Variants in SPG11 observed in about 807,000 individuals in gnomAD.
SPG11 encodes SPG11 vesicle trafficking associated, spatacsin, also known as spatacsin.
In SPG11, 222 loss-of-function variants were observed where a neutral mutation model predicts 274.0. The observed-to-expected ratio is 0.81, with a 90% CI of 0.73 to 0.91. The LOEUF (loss-of-function observed/expected upper bound fraction) is 0.91, where lower values mean the gene tolerates loss of function less well. Ranked by LOEUF, SPG11 falls within the 40% of genes least tolerant of loss-of-function variation. The pLI, the probability that SPG11 is intolerant of heterozygous loss-of-function variation, is 0.00. For synonymous variants in SPG11, 1,144 were observed against 1,039.7 expected, an observed-to-expected ratio of 1.10 and a Z score of -1.93; for missense variants, 3,114 against 2,872.7, an observed-to-expected ratio of 1.08 and a Z score of -1.92.
intron 24 of SPG11, 60 bp from the exon 25 acceptor site, chr15:44,596,415 A>G (rs1293275256): frequency 1.3e-6 from 2 of 1,590,664 alleles, no homozygotes; most frequent in Non-Finnish European, 1.7e-6. Flanking sequence ...CTGGAGCTGA[A>G]AATGTTAGAG....
chr15:44,652,877 A>T (rs1471334751), intron 4 of SPG11, among the ~76,000 whole-genome samples: 1 of 152,088 alleles, frequency 6.6e-6, no homozygotes, highest in Non-Finnish European at 1.5e-5. Context: ...AGCTGGTCTC[A>T]AACTCCTGAC....
chr15:44,660,048 G>A lies in SPG11; in HGVS notation c.442+384C>T, dbSNP rs139717704. Among the ~76,000 whole-genome samples the A allele has an allele frequency of 8.3e-3, 1,266 of 152,140 alleles. 20 individuals carry two copies. The highest frequency in any genetic ancestry group is 0.028 in the African/African-American group (1,174 of 41,512). On this transcript the variant is annotated intron_variant, in intron 2 of 39. Coordinates refer to ENST00000261866, the MANE Select transcript of SPG11 (RefSeq NM_025137.4). The stretch of plus-strand genomic sequence containing the variant: ...TGCACTCCAGCCTGGGTGACAGAGC[G>A]AGACTGTCTCAAAAAAATAAAATAA...
chr15:44,646,370 A>T (rs1465644202), intron 7 of SPG11, among the ~76,000 whole-genome samples: 1 of 152,194 alleles, frequency 6.6e-6, no homozygotes, highest in Non-Finnish European at 1.5e-5. Context: ...GGAAACTTAC[A>T]ATCATGGCAG....
chr15:44,579,526 CAAA>C (rs954664107), intron 30 of SPG11, among the ~76,000 whole-genome samples: 1 of 51,866 alleles, frequency 1.9e-5, no homozygotes, highest in Non-Finnish European at 3.8e-5. Context: ...GACTCCGTCT[CAAA>C]AAAAAAAAAA....
chr15:44,606,979 T>G (rs764821072), intron 19 of SPG11, among the ~76,000 whole-genome samples: 6 of 152,160 alleles, frequency 3.9e-5, no homozygotes, highest in Non-Finnish European at 8.8e-5. Flanking sequence ...AAACTATGTT[T>G]TTACATAATC....
intron 7 of SPG11, among the ~76,000 whole-genome samples, chr15:44,645,101 C>G (rs1323884664): frequency 6.6e-6 from 1 of 152,166 alleles, no homozygotes; most frequent in Non-Finnish European, 1.5e-5. Flanking sequence ...CAAAAAAGAT[C>G]CTGAATAGCC....
intron 30 of SPG11, among the ~76,000 whole-genome samples, chr15:44,578,130 T>C (rs1383233845): frequency 6.7e-6 from 1 of 148,834 alleles, no homozygotes; most frequent in Non-Finnish European, 1.5e-5. Context: ...GTTCACACCA[T>C]TCTCCTGCCT....
chr15:44,570,925 C>T (rs1251319025), intron 33 of SPG11, among the ~76,000 whole-genome samples: 1 of 152,172 alleles, frequency 6.6e-6, no homozygotes, highest in East Asian at 1.9e-4. Context: ...AAAATGAGAA[C>T]ACAGCACCCT....
Position 44,584,011 on chromosome 15 carries a change from C to T in SPG11, c.5669G>A (p.Cys1890Tyr), listed in dbSNP as rs770861439. The change falls in exon 30 of 40, where the codon TGT (cysteine) becomes TAT (tyrosine). Residue 1890 changes from cysteine to tyrosine, a missense_variant. Cys to Tyr is a radical substitution (Grantham distance 194). Coordinates refer to ENST00000261866, the MANE Select transcript of SPG11 (RefSeq NM_025137.4). Reference protein sequence around the residue: ...FLIGRLLDDGCVHEASRVCRY... With the variant: ...FLIGRLLDDGYVHEASRVCRY... ...GCATACTCTACTTGCTTCATGCACA[C>T]AGCCATCATCCAGTAGGCGCCCAAT... The T allele has an allele frequency of 5.0e-6, 8 of 1,614,244 alleles. No homozygotes were observed. Among genetic ancestry groups the T allele is most frequent in the Non-Finnish European group, 5.1e-6 (6 of 1,180,044 alleles).
chr15:44,595,047 C>A (rs2082999297), intron 26 of SPG11, among the ~76,000 whole-genome samples: 1 of 152,122 alleles, frequency 6.6e-6, no homozygotes. Flanking sequence ...AAACTCCTGA[C>A]CTCAAGTGAT....
chr15:44,605,289 T>C (rs1050606571), intron 20 of SPG11, among the ~76,000 whole-genome samples: 9 of 152,212 alleles, frequency 5.9e-5, no homozygotes, highest in African/African-American at 1.4e-4. Flanking sequence ...TTGGCATGCA[T>C]TGGACTCTGG....
At position 44,564,548 on chromosome 15, in the gene SPG11, T is replaced by A. The variant is rs1555446078; in HGVS notation, c.7150A>T (p.Lys2384Ter). 5.6e-6 allele frequency: 9 copies of A among 1,613,722 alleles called. No homozygotes were observed. Among genetic ancestry groups the A allele is most frequent in the Non-Finnish European group, 7.6e-6 (9 of 1,179,898 alleles). ...TTACAGTCAACTTTTAATACTTACTTTTTGGAAATCTCTTCAAATATACTG... is the reference window on the plus strand; with the variant it reads ...TTACAGTCAACTTTTAATACTTACTATTTGGAAATCTCTTCAAATATACTG... ...KSSIFEEISK[K>*]YKQHQPTDMV... is the part of the protein sequence containing the mutation. Residue 2384 changes from lysine (K) to a stop codon, truncating the protein, a stop_gained and splice_region_variant, in exon 39 of 40, where the codon AAA becomes TAA. Coordinates refer to ENST00000261866, the MANE Select transcript of SPG11 (RefSeq NM_025137.4). LOFTEE classifies it high-confidence loss of function.
intron 14 of SPG11, chr15:44,620,875 T>A (rs1353401436): frequency 2.5e-5 from 4 of 160,052 alleles, no homozygotes; most frequent in Non-Finnish European, 4.1e-5. Context: ...ATTGTTGTAT[T>A]TTTAGTAGAG....
chr15:44,652,109 T>A lies in SPG11; in HGVS notation c.1007+20A>T. 1 of 1,613,978 alleles carries A rather than the reference T, an allele frequency of 6.2e-7. No homozygotes were observed. The highest frequency in any genetic ancestry group is 1.1e-5 in the South Asian group (1 of 91,066). ...TAAAAAATAAGAACAATAAACTACA[T>A]GAAAAGGAAGTTTCTGTACCTATCA... On this transcript the variant is annotated intron_variant, in intron 5 of 39. Coordinates refer to ENST00000261866, the MANE Select transcript of SPG11 (RefSeq NM_025137.4).
intron 7 of SPG11, among the ~76,000 whole-genome samples, chr15:44,641,575 T>C (rs943191368): frequency 4.4e-5 from 5 of 112,598 alleles, no homozygotes; most frequent in African/African-American, 1.7e-4. Context: ...AGAAAAAAAA[T>C]CCAAATATCT....
At chr15:44,601,580 T>C (rs2083191040) in intron 20 of SPG11, among the ~76,000 whole-genome samples, 1 of 145,920 alleles carries the variant, frequency 6.9e-6, no homozygotes, top group Non-Finnish European at 1.5e-5. Flanking sequence ...TTTTTTTAAA[T>C]AGAATCTTGC....
intron 28 of SPG11, among the ~76,000 whole-genome samples, chr15:44,588,349 G>A (rs2082820948): frequency 6.6e-6 from 1 of 151,622 alleles, no homozygotes. Context: ...CTTTAAAAAT[G>A]AATTGTGCAT....
intron 1 of SPG11, among the ~76,000 whole-genome samples, chr15:44,662,957 T>C (rs2085160041): frequency 6.6e-6 from 1 of 152,238 alleles, no homozygotes; most frequent in Non-Finnish European, 1.5e-5. Flanking sequence ...CGCTATTCAC[T>C]TCAAGGACAT....
intron 30 of SPG11, among the ~76,000 whole-genome samples, chr15:44,578,539 C>A (rs2082593650): frequency 1.3e-5 from 2 of 152,046 alleles, no homozygotes; most frequent in African/African-American, 4.8e-5. Flanking sequence ...CTGGGAGAGC[C>A]CCAGGAAAGC....
Sources: allele counts gnomAD v4.1 joint callset (sites outside exome capture counted in the v4.1 genomes callset), GRCh38; gene constraint gnomAD v4.1.1; transcripts MANE v1.5; gene names NCBI Gene and HGNC (gene_info 2026-07-23, HGNC 2026-07-21).